MON2: variants seen among roughly 807,000 people sequenced by gnomAD.
MON2 encodes the protein MON2 regulator of endosome-to-Golgi trafficking.
Under a neutral mutation model 208.6 loss-of-function variants are expected in MON2, and 84 were observed. The observed-to-expected ratio is 0.40, with a 90% CI of 0.34 to 0.48. The LOEUF is 0.48. MON2 is among the 20% of genes least tolerant of loss of function. The pLI, the probability that MON2 is intolerant of heterozygous loss-of-function variation, is 0.59. For synonymous variants in MON2, 660 were observed against 694.0 expected, an observed-to-expected ratio of 0.95 and a Z score of 0.77; for missense variants, 1,611 against 2,015.4, an observed-to-expected ratio of 0.80 and a Z score of 3.84.
intron 25 of MON2, among the ~76,000 whole-genome samples, chr12:62,559,619 A>T (rs1332693932): frequency 6.6e-6 from 1 of 152,110 alleles, no homozygotes; most frequent in Non-Finnish European, 1.5e-5. Context: ...CACTACAAAA[A>T]ATAATTTAAA....
intron 25 of MON2, among the ~76,000 whole-genome samples, chr12:62,557,412 T>G (rs1048554823): frequency 1.3e-5 from 2 of 152,172 alleles, no homozygotes; most frequent in Non-Finnish European, 2.9e-5. Context: ...GAGGCAAGGG[T>G]TGATGCTACA....
chr12:62,584,378 C>G (rs1461696229), intron 32 of MON2, among the ~76,000 whole-genome samples: 1 of 152,050 alleles, frequency 6.6e-6, no homozygotes, highest in East Asian at 1.9e-4. Flanking sequence ...TCAAAATATG[C>G]TCTGTAAAAG....
intron 1 of MON2, among the ~76,000 whole-genome samples, chr12:62,478,800 T>C (rs1410811735): frequency 6.6e-6 from 1 of 152,108 alleles, no homozygotes; most frequent in Non-Finnish European, 1.5e-5. Context: ...ATGGAGGACA[T>C]GATTGTAGGT....
At position 62,599,942 on chromosome 12, in the gene MON2, C is replaced by T. The variant is rs2075593116; in HGVS notation, c.*7193C>T. 1 of 152,124 alleles carries T rather than the reference C, an allele frequency of 6.6e-6. No individual in the cohort carries two copies. The highest frequency in any genetic ancestry group is 2.1e-4 in the South Asian group (1 of 4,830). 9.4% of individuals were successfully genotyped at this position (152,124 alleles called of 1,614,324 possible). On this transcript the variant is annotated 3_prime_UTR_variant, in exon 35 of 35. Coordinates refer to ENST00000393630, the MANE Select transcript of MON2 (RefSeq NM_015026.3). The stretch of plus-strand genomic sequence containing the variant: ...TTTTATTATTGGTCCAGGTTTAAAA[C>T]ATTTTATCTATTTAAAACATATGTT...
In MON2 at chr12:62,597,336, T is replaced by C. The variant is rs2075547111; in HGVS notation, c.*4587T>C. ...CCTCTTTCATTCTCTGCCTCTTCTC[T>C]TTCAGCTCTTTCTCTAATTGTGCCT... On this transcript the variant is annotated 3_prime_UTR_variant, in exon 35 of 35. Transcript: ENST00000393630. 1 of 152,182 alleles carries C rather than the reference T, an allele frequency of 6.6e-6. No individual in the cohort carries two copies. The highest frequency in any genetic ancestry group is 1.5e-5 in the Non-Finnish European group (1 of 68,030). The allele number at this position is 152,182 out of a possible 1,614,324, so 9.4% of individuals were successfully genotyped here. A position where few individuals can be genotyped will look rare whatever the true frequency, so the allele number is the denominator to read the frequency against.
At chr12:62,588,778 A>T (rs891205178) in intron 34 of MON2, 2 of 750,288 alleles carry the variant, frequency 2.7e-6, no homozygotes, top group Non-Finnish European at 4.2e-6. Flanking sequence ...AATAGATTTC[A>T]TTTCCCCTAC....
At chr12:62,561,517 C>T (rs2074197245) in intron 26 of MON2, among the ~76,000 whole-genome samples, 1 of 151,150 alleles carries the variant, frequency 6.6e-6, no homozygotes, top group African/African-American at 2.4e-5. Context: ...TTATTGAAAG[C>T]CTATATTAAA....
chr12:62,495,754 C>T lies in MON2; in HGVS notation c.435+607C>T, dbSNP rs114196038. ...GTATTTTAGATTCCCTGTGATAGCTCTCCCTACCCATAATTTCACATGTAT... is the reference window on the plus strand; with the variant it reads ...GTATTTTAGATTCCCTGTGATAGCTTTCCCTACCCATAATTTCACATGTAT... On this transcript the variant is annotated intron_variant, in intron 4 of 34. Transcript: ENST00000393630. 2.6e-3 allele frequency among the ~76,000 whole-genome samples: 386 copies of T among 150,262 alleles called. 3 individuals are homozygous for T. Among genetic ancestry groups the T allele is most frequent in the African/African-American group, 8.6e-3 (352 of 40,994 alleles).
intron 30 of MON2, among the ~76,000 whole-genome samples, chr12:62,577,916 C>G (rs897688595): frequency 2.0e-5 from 3 of 152,038 alleles, no homozygotes; most frequent in African/African-American, 7.2e-5. Context: ...TTTCTTTGTT[C>G]TTGTTGGAAC....
chr12:62,565,951 A>G lies in MON2; in HGVS notation c.4177-63A>G, dbSNP rs150732738. 16 of 1,402,370 alleles carry G rather than the reference A, an allele frequency of 1.1e-5. No individual in the cohort carries two copies. The African/African-American group carries it at 2.0e-4, about 18-fold the overall frequency. The allele number at this position is 1,402,370 out of a possible 1,614,324, so 86.9% of individuals were successfully genotyped here. ...TTATAATTTTATATCGTCCGAAAGT[A>G]GTTTAAATATGTATTAACTTTTCTC... On this transcript the variant is annotated intron_variant, in intron 27 of 34. Coordinates refer to ENST00000393630, the MANE Select transcript of MON2 (RefSeq NM_015026.3).
rs540432991 is a variant in MON2 at position 62,575,443 on chromosome 12, A to G, written c.4515-3002A>G. Among the ~76,000 whole-genome samples, 53 of 152,354 alleles carry G rather than the reference A, an allele frequency of 3.5e-4. No individual in the cohort carries two copies. In the East Asian group the frequency reaches 6.0e-3, roughly 17 times the overall value. On this transcript the variant is annotated intron_variant, in intron 30 of 34. Coordinates refer to ENST00000393630, the MANE Select transcript of MON2 (RefSeq NM_015026.3). ...TAATGCCACATATGTACTATGTTCT[A>G]TAGCTGAAGTTTATCAGTAGTGTTT...
chr12:62,548,735 G>C (rs939527572), intron 22 of MON2, among the ~76,000 whole-genome samples: 1 of 152,084 alleles, frequency 6.6e-6, no homozygotes, highest in African/African-American at 2.4e-5. Flanking sequence ...CAGTTAGAAA[G>C]TATGTGACAT....
In MON2 at chr12:62,467,214, G is replaced by A. The variant is rs1355553104; in HGVS notation, c.7G>A (p.Gly3Ser). 1 of 1,612,256 alleles carries A rather than the reference G, an allele frequency of 6.2e-7. No homozygotes were observed. Among genetic ancestry groups the A allele is most frequent in the Non-Finnish European group, 8.5e-7 (1 of 1,179,940 alleles). Residue 3 changes from glycine to serine, a missense_variant, in exon 1 of 35, where the codon GGC becomes AGC. Coordinates refer to ENST00000393630, the MANE Select transcript of MON2 (RefSeq NM_015026.3). MS[G>S]TSSPEAVKKL... ...GCTGGGACCTTGGAGGATCATGTCC[G>A]GCACCAGCAGCCCCGAGGCGGTGAA...
chr12:62,549,437 T>C (rs1427803869), intron 22 of MON2, among the ~76,000 whole-genome samples: 2 of 141,868 alleles, frequency 1.4e-5, no homozygotes, highest in Non-Finnish European at 3.0e-5. Context: ...CAAGGCAACA[T>C]AGTGGGACCC....
chr12:62,540,319 G>T (rs1430483166), intron 19 of MON2, among the ~76,000 whole-genome samples: 2 of 152,102 alleles, frequency 1.3e-5, no homozygotes, highest in African/African-American at 4.8e-5. Flanking sequence ...AAATAATACA[G>T]ATATTAAATG....
chr12:62,500,819 G>T lies in MON2; in HGVS notation c.602G>T (p.Ser201Ile). 4 of 1,597,702 alleles carry T rather than the reference G, an allele frequency of 2.5e-6. No individual in the cohort carries two copies. The highest frequency in any genetic ancestry group is 3.4e-6 in the Non-Finnish European group (4 of 1,172,654). The change falls in exon 6 of 35, where the codon AGT becomes ATT. Residue 201 changes from serine to isoleucine, a missense_variant. Physicochemically the swap from Ser to Ile is moderately radical, Grantham distance 142. Coordinates refer to ENST00000393630, the MANE Select transcript of MON2 (RefSeq NM_015026.3). ...CAACCAGTACTGGTACAAGGAAATA[G>T]TAACAGAAGATCTGTCAGTACCCTC... is the stretch of plus-strand genomic sequence containing the variant. ...IEQPVLVQGN[S>I]NRRSVSTLKP...
chr12:62,467,335 G>A lies in MON2; in HGVS notation c.111+17G>A. The stretch of plus-strand genomic sequence containing the variant: ...GTCAAAGAGGTAAGCTTCAGGTGAC[G>A]TCAGGAGAAGGCACTGTGAGCATGC... On this transcript the variant is annotated intron_variant, in intron 1 of 34. Transcript: ENST00000393630. 6.3e-7 allele frequency: 1 copy of A among 1,596,778 alleles called. No homozygotes were observed. Among genetic ancestry groups the A allele is most frequent in the Non-Finnish European group, 8.6e-7 (1 of 1,164,530 alleles).
At position 62,537,220 on chromosome 12, in the gene MON2, C is replaced by T; in HGVS notation, c.1970C>T (p.Ala657Val). ...AGTGAATCTCACCAACAAGTTGTGGCAGTGGGTCAACCTTTAGCAGTCCAG... is the reference window on the plus strand; with the variant it reads ...AGTGAATCTCACCAACAAGTTGTGGTAGTGGGTCAACCTTTAGCAGTCCAG... ...PSSESHQQVV[A>V]VGQPLAVQPQ... Residue 657 changes from alanine (A) to valine (V), a missense_variant, in exon 15 of 35, where the codon GCA (alanine) becomes GTA (valine). Coordinates refer to ENST00000393630, the MANE Select transcript of MON2 (RefSeq NM_015026.3). 1 of 1,613,326 alleles carries T rather than the reference C, an allele frequency of 6.2e-7. No individual in the cohort carries two copies. The highest frequency in any genetic ancestry group is 8.5e-7 in the Non-Finnish European group (1 of 1,179,468).
rs139720774 is a variant in MON2 at position 62,490,821 on chromosome 12, A to C, written c.176-3094A>C. ...TGTTTGATTCCTTTGAATTACATTAAAATAAATTTAAAAATTAATTTCTAT... is the reference window on the plus strand; with the variant it reads ...TGTTTGATTCCTTTGAATTACATTACAATAAATTTAAAAATTAATTTCTAT... On this transcript the variant is annotated intron_variant, in intron 2 of 34. Coordinates refer to ENST00000393630, the MANE Select transcript of MON2 (RefSeq NM_015026.3). Among the ~76,000 whole-genome samples, 657 of 152,314 alleles carry C rather than the reference A, an allele frequency of 4.3e-3. 7 individuals are homozygous for C. Among genetic ancestry groups the C allele is most frequent in the African/African-American group, 0.015 (624 of 41,574 alleles).
Sources: gnomAD v4.1 joint callset for allele counts (sites outside exome capture counted in the v4.1 genomes callset) on GRCh38, gnomAD v4.1.1 for gene constraint, MANE v1.5 for transcripts, NCBI Gene and HGNC (gene_info 2026-07-23, HGNC 2026-07-21) for gene names.